Variants in ARHGAP29 observed in about 807,000 individuals in gnomAD.
ARHGAP29 encodes rho GTPase-activating protein 29.
A neutral mutation model predicts 122.6 loss-of-function variants in ARHGAP29; 43 were observed. That is an observed-to-expected ratio of 0.35 (90% CI 0.27 to 0.45). The LOEUF (loss-of-function observed/expected upper bound fraction) is 0.45. Ranked by LOEUF, ARHGAP29 falls within the 20% of genes least tolerant of loss-of-function variation. The pLI, the probability that ARHGAP29 is intolerant of heterozygous loss-of-function variation, is 1.00. For synonymous variants in ARHGAP29, 506 were observed against 497.1 expected, an observed-to-expected ratio of 1.02 and a Z score of -0.24; for missense variants, 1,303 against 1,477.2, an observed-to-expected ratio of 0.88 and a Z score of 1.93.
At chr1:94,296,078 C>T in the ARHGAP29 span, among the ~76,000 whole-genome samples, 2 of 152,084 alleles carry the variant, frequency 1.3e-5, no homozygotes, top group African/African-American at 4.8e-5. Context: ...TCCAAGGTTT[C>T]AGTTACCCAT....
At chr1:94,272,662 A>T (rs1655037210) in intron 1 of ARHGAP29, among the ~76,000 whole-genome samples, 1 of 152,158 alleles carries the variant, frequency 6.6e-6, no homozygotes, top group African/African-American at 2.4e-5. Context: ...CCTGGCTGAG[A>T]CTTGTGGCAA....
chr1:94,287,717 G>C, the ARHGAP29 span, among the ~76,000 whole-genome samples: 7 of 151,936 alleles, frequency 4.6e-5, no homozygotes, highest in South Asian at 2.1e-4. Flanking sequence ...TGTTCTCATT[G>C]TTCAACTCCC....
chr1:94,188,169 A>G (rs1162344542), intron 15 of ARHGAP29, among the ~76,000 whole-genome samples: 2 of 152,068 alleles, frequency 1.3e-5, no homozygotes, highest in African/African-American at 4.8e-5. Flanking sequence ...TAGCTGTATA[A>G]CCCAGGCAAG....
intron 4 of ARHGAP29, 48 bp from the exon 5 acceptor site, chr1:94,208,952 G>C (rs1158211396): frequency 2.6e-6 from 4 of 1,514,990 alleles, no homozygotes; most frequent in Non-Finnish European, 1.8e-6. Context: ...ATACTTCTTT[G>C]TGACAGGGTT....
At chr1:94,272,372 T>C (rs1394510078) in intron 1 of ARHGAP29, among the ~76,000 whole-genome samples, 2 of 152,162 alleles carry the variant, frequency 1.3e-5, no homozygotes, top group African/African-American at 4.8e-5. Context: ...TCCTTGAACT[T>C]GTGTGGAGAA....
intron 3 of ARHGAP29, 99 bp from the exon 4 acceptor site, chr1:94,209,449 G>A (rs1651440741): frequency 1.6e-6 from 1 of 638,544 alleles, no homozygotes; most frequent in African/African-American, 1.9e-5. Flanking sequence ...AGTTCAAGAA[G>A]CATTAGAAGA....
In ARHGAP29 at chr1:94,179,790, G is replaced by T. The variant is rs769085421; in HGVS notation, c.2415C>A (p.Asp805Glu). 31 of 1,613,414 alleles carry T rather than the reference G, an allele frequency of 1.9e-5. No individual in the cohort carries two copies. Among genetic ancestry groups the T allele is most frequent in the Non-Finnish European group, 2.2e-5 (26 of 1,179,750 alleles). Residue 805 changes from aspartate (D) to glutamate (E), a missense_variant, in exon 20 of 23, where the codon GAC becomes GAA. Around this residue, in one of 3 missense-constraint regions of ARHGAP29, gnomAD observed 620 missense variants for 651.2 expected, o/e 0.95. Transcript: ENST00000260526. ...EINRILLKSK[D>E]LLRQLPASNF... Reference sequence around the variant, plus strand: ...TTGATGCTGGCAATTGTCTTAGAAGGTCTTTGCTTTTTAGAAGAATTCGGT... The same window carrying T: ...TTGATGCTGGCAATTGTCTTAGAAGTTCTTTGCTTTTTAGAAGAATTCGGT...
At chr1:94,182,836 C>CAAAAT in intron 19 of ARHGAP29, among the ~76,000 whole-genome samples, 1 of 151,886 alleles carries the variant, frequency 6.6e-6, no homozygotes, top group East Asian at 1.9e-4. Flanking sequence ...CAAAACAAAA[C>CAAAAT]AAAACAAAAC....
At chr1:94,202,313 A>T in intron 11 of ARHGAP29, 1 of 585,874 alleles carries the variant, frequency 1.7e-6, no homozygotes, top group Non-Finnish European at 3.0e-6. Context: ...TCCAAAATTC[A>T]GGTCTCAGCA....
intron 1 of ARHGAP29, among the ~76,000 whole-genome samples, chr1:94,259,361 AT>A (rs376903505): frequency 6.6e-6 from 1 of 152,248 alleles, no homozygotes; most frequent in African/African-American, 2.4e-5. Context: ...TCTAGTATTA[AT>A]TTGACCAAAG....
At chr1:94,230,826 T>C (rs761942687) in intron 2 of ARHGAP29, among the ~76,000 whole-genome samples, 5 of 151,876 alleles carry the variant, frequency 3.3e-5, no homozygotes, top group Non-Finnish European at 5.9e-5. Context: ...AAGTCAGAGA[T>C]ATACAATCTT....
At chr1:94,286,141 G>T in the ARHGAP29 span, among the ~76,000 whole-genome samples, 2 of 152,152 alleles carry the variant, frequency 1.3e-5, no homozygotes, top group African/African-American at 4.8e-5. Flanking sequence ...TCTGTTGAGG[G>T]TTCTCTTCCT....
At chr1:94,241,749 T>TATAA (rs1553213180), upstream of ARHGAP29, among the ~76,000 whole-genome samples, 1 of 131,316 alleles carries the variant, frequency 7.6e-6, no homozygotes, top group East Asian at 2.1e-4. Context: ...TATATATATA[T>TATAA]AAAATCAAAT....
intron 20 of ARHGAP29, 84 bp from the exon 21 acceptor site, chr1:94,178,251 G>GA: frequency 7.6e-7 from 1 of 1,311,266 alleles, no homozygotes; most frequent in Non-Finnish European, 1.0e-6. Context: ...AGAGAGGGTG[G>GA]AGGGAAAATG....
chr1:94,287,494 T>TTAA, the ARHGAP29 span, among the ~76,000 whole-genome samples: 6 of 151,952 alleles, frequency 3.9e-5, no homozygotes, highest in African/African-American at 1.4e-4. Flanking sequence ...TAAACCTCTT[T>TTAA]TACTATTATT....
the ARHGAP29 span, among the ~76,000 whole-genome samples, chr1:94,303,496 G>A: frequency 0.016 from 2,359 of 152,146 alleles, 69 homozygotes; most frequent in African/African-American, 0.054. Context: ...CGGTGGTGAT[G>A]GTTGCACAAC....
the ARHGAP29 span, among the ~76,000 whole-genome samples, chr1:94,293,560 C>T: frequency 1.6e-4 from 25 of 152,268 alleles, no homozygotes; most frequent in Non-Finnish European, 3.2e-4. Flanking sequence ...TCGTCTTCTG[C>T]GTCAATCTCA....
At chr1:94,245,597 G>A (rs749627188) in intron 1 of ARHGAP29, among the ~76,000 whole-genome samples, 1 of 152,086 alleles carries the variant, frequency 6.6e-6, no homozygotes, top group Non-Finnish European at 1.5e-5. Flanking sequence ...GGGAAATTGC[G>A]AGAAGCCTTT....
At chr1:94,193,215 T>A (rs1378790037) in intron 12 of ARHGAP29, 1 of 152,022 alleles carries the variant, frequency 6.6e-6, no homozygotes, top group Non-Finnish European at 1.5e-5. Context: ...GAAAAGAGAC[T>A]GTGAACTTGA....
Sources: gnomAD v4.1 joint callset for allele counts (sites outside exome capture counted in the v4.1 genomes callset) on GRCh38, gnomAD v4.1.1 for gene constraint, gnomAD v4.1.1 regional missense constraint, MANE v1.5 for transcripts, NCBI Gene and HGNC (gene_info 2026-07-23, HGNC 2026-07-21) for gene names.